The following ZC3H18 variants were observed in gnomAD, a reference collection of about 807,000 sequenced individuals.
The protein encoded by ZC3H18 is zinc finger CCCH-type containing 18, also known as zinc finger CCCH domain-containing protein 18.
In ZC3H18, 8 loss-of-function variants were observed where a neutral mutation model predicts 106.1. The observed-to-expected ratio is 0.08, with a 90% CI of 0.04 to 0.14. The LOEUF is 0.14. Ranked by LOEUF, ZC3H18 falls within the 10% of genes least tolerant of loss-of-function variation. ZC3H18 has a pLI of 1.00. For missense variants in ZC3H18, 1,318 were observed against 1,278.4 expected (o/e 1.03, Z -0.47); for synonymous variants, 635 against 522.1 (o/e 1.22, Z -2.95).
chr16:88,594,066 GC>G (rs529461206), intron 3 of ZC3H18, among the ~76,000 whole-genome samples: 97 of 152,110 alleles, frequency 6.4e-4, no homozygotes, highest in Non-Finnish European at 1.1e-3. Context: ...GCTTTTAGAT[GC>G]CCCTCCCTCT....
intron 7 of ZC3H18, among the ~76,000 whole-genome samples, chr16:88,611,031 G>GA (rs1905243073): frequency 6.6e-6 from 1 of 152,260 alleles, no homozygotes; most frequent in South Asian, 2.1e-4. Context: ...GGAATGAGAT[G>GA]AGATCCCCAC....
chr16:88,570,823 C>T (rs1349769684), intron 1 of ZC3H18, among the ~76,000 whole-genome samples: 4 of 152,180 alleles, frequency 2.6e-5, no homozygotes, highest in East Asian at 1.9e-4. Context: ...CGCGCGCTGC[C>T]TCCGCGCCCC....
intron 3 of ZC3H18, among the ~76,000 whole-genome samples, chr16:88,591,338 C>T (rs368032534): frequency 3.1e-4 from 47 of 152,092 alleles, no homozygotes; most frequent in African/African-American, 1.0e-3. Context: ...TTTGGGAGGC[C>T]GAGGTGGGTG....
At chr16:88,608,669 TC>T (rs1905129196) in intron 6 of ZC3H18, 1 of 231,958 alleles carries the variant, frequency 4.3e-6, no homozygotes, top group Admixed American at 5.5e-5. Flanking sequence ...GGCCCTCACT[TC>T]CTATTTTCTT....
At chr16:88,577,809 G>A (rs1914859553) in intron 2 of ZC3H18, 83 bp downstream of exon 2, 1 of 1,602,712 alleles carries the variant, frequency 6.2e-7, no homozygotes, top group African/African-American at 1.3e-5. Context: ...GGGACTCTGT[G>A]TGGGACTGAC....
At chr16:88,630,413 A>G (rs1396065786) in intron 16 of ZC3H18, 72 bp from the exon 17 acceptor site, 15 of 1,232,838 alleles carry the variant, frequency 1.2e-5, no homozygotes, top group African/African-American at 3.0e-5. Flanking sequence ...AGTCCCTGGC[A>G]TCGGTGAGGC....
chr16:88,628,491 C>G (rs774880182), intron 15 of ZC3H18, among the ~76,000 whole-genome samples: 2 of 152,058 alleles, frequency 1.3e-5, no homozygotes, highest in Non-Finnish European at 2.9e-5. Context: ...CTTCATGGGT[C>G]CCAGGTCCTC....
chr16:88,571,689 C>T (rs1037950276), intron 1 of ZC3H18: 29 of 984,818 alleles, frequency 2.9e-5, no homozygotes, highest in Non-Finnish European at 3.1e-5. Context: ...TAACCTATGG[C>T]CTACATCGTG....
intron 13 of ZC3H18, chr16:88,626,258 T>C (rs1181799574): frequency 6.6e-6 from 1 of 152,078 alleles, no homozygotes; most frequent in Non-Finnish European, 1.5e-5. Flanking sequence ...AGCCCAGAAA[T>C]TTTTTTTAAT....
At position 88,577,576 on chromosome 16, in the gene ZC3H18, G is replaced by C. The variant is rs1054407464; in HGVS notation, c.453G>C (p.Gly151=). 1 of 1,613,652 alleles carries C rather than the reference G, an allele frequency of 6.2e-7. No individual in the cohort carries two copies. Among genetic ancestry groups the C allele is most frequent in the Non-Finnish European group, 8.5e-7 (1 of 1,179,874 alleles). ...AGGAGGACGAGGCTGAGAAAGCGGG[G>C]GCTGAGGATGATGAGGAGAAAGGCG... ...AVQEDEAEKA[G]AEDDEEKGEG... The change falls in exon 2 of 18, where the codon GGG becomes GGC. Residue 151 remains glycine (G), a synonymous_variant. Transcript: ENST00000301011.
At chr16:88,580,449 A>C (rs1209560903) in intron 2 of ZC3H18, among the ~76,000 whole-genome samples, 1 of 152,136 alleles carries the variant, frequency 6.6e-6, no homozygotes, top group African/African-American at 2.4e-5. Flanking sequence ...AGTTCACGTG[A>C]GCAGCATCAG....
At chr16:88,578,752 C>T (rs903157231) in intron 2 of ZC3H18, among the ~76,000 whole-genome samples, 2 of 152,076 alleles carry the variant, frequency 1.3e-5, no homozygotes, top group African/African-American at 2.4e-5. Flanking sequence ...AGTGCAGTGG[C>T]GCCATCTCAG....
chr16:88,590,083 G>A (rs1414723063), intron 3 of ZC3H18, among the ~76,000 whole-genome samples: 2 of 152,184 alleles, frequency 1.3e-5, no homozygotes, highest in Non-Finnish European at 2.9e-5. Context: ...AGGAGTTAGA[G>A]ACCAGCCTGG....
intron 8 of ZC3H18, among the ~76,000 whole-genome samples, chr16:88,611,821 C>G (rs1365931094): frequency 6.6e-6 from 1 of 152,246 alleles, no homozygotes; most frequent in Non-Finnish European, 1.5e-5. Flanking sequence ...CACGTGCAAA[C>G]ATCGGTGTGT....
chr16:88,608,964 C>T lies in ZC3H18; in HGVS notation c.1119C>T (p.Asp373=), dbSNP rs778507487. Residue 373 remains aspartate (D), a synonymous_variant, in exon 7 of 18, where the codon GAC becomes GAT. Transcript: ENST00000301011. ...VLEPYADPYY[D]YEIERFWRGG... ...AGCCTTACGCAGACCCTTATTATGA[C>T]TATGAAATTGAGCGGTTTTGGCGTG... 3 of 1,613,902 alleles carry T rather than the reference C, an allele frequency of 1.9e-6. No individual in the cohort carries two copies.
At chr16:88,579,034 C>T (rs1914946113) in intron 2 of ZC3H18, among the ~76,000 whole-genome samples, 1 of 152,138 alleles carries the variant, frequency 6.6e-6, no homozygotes, top group South Asian at 2.1e-4. Context: ...GCTCTCAATG[C>T]ACGTTTGGAT....
rs1214498010 is a variant in ZC3H18 at position 88,625,218 on chromosome 16, A to T, written c.2059A>T (p.Ser687Cys). ...GTATTACAGGCGGACGCTAAGCGGC[A>T]GCGGCAGTGGCAGTGGTAGCAGCTA... ...TPPRRRTLSG[S>C]GSGSGSSYSG... Residue 687 changes from serine to cysteine, a missense_variant, in exon 13 of 18, where the codon AGC becomes TGC. Ser to Cys is a moderately radical substitution (Grantham distance 112, BLOSUM62 -1). Coordinates refer to ENST00000301011, the MANE Select transcript of ZC3H18 (RefSeq NM_144604.4). 6.3e-7 allele frequency: 1 copy of T among 1,591,934 alleles called. No individual in the cohort carries two copies. The highest frequency in any genetic ancestry group is 8.5e-7 in the Non-Finnish European group (1 of 1,169,638).
At chr16:88,571,862 G>C (rs1914427431) in intron 1 of ZC3H18, among the ~76,000 whole-genome samples, 4 of 152,202 alleles carry the variant, frequency 2.6e-5, no homozygotes, top group Admixed American at 1.3e-4. Context: ...TTATGAGTCA[G>C]AATTTTAACC....
At chr16:88,622,444 C>G (rs1330993155) in intron 9 of ZC3H18, 56 bp downstream of exon 9, 1 of 1,508,926 alleles carries the variant, frequency 6.6e-7, no homozygotes, top group Non-Finnish European at 8.9e-7. Context: ...CGTCAGCTGA[C>G]ACCATGTACC....
Sources: allele counts gnomAD v4.1 joint callset (sites outside exome capture counted in the v4.1 genomes callset), GRCh38; gene constraint gnomAD v4.1.1; transcripts MANE v1.5; gene names NCBI Gene and HGNC (gene_info 2026-07-23, HGNC 2026-07-21).